Variants in CHLSN observed in about 807,000 individuals in gnomAD.
CHLSN encodes protein cholesin.
At chr7:983,089 T>G in the CHLSN span, 1 of 846,014 alleles carries the variant, frequency 1.2e-6, no homozygotes, top group Non-Finnish European at 1.6e-6. Flanking sequence ...TGCAAACTGC[T>G]CGTTCCACAT....
chr7:1,004,254 C>G, the CHLSN span, among the ~76,000 whole-genome samples: 4 of 152,154 alleles, frequency 2.6e-5, no homozygotes, highest in African/African-American at 4.8e-5. Context: ...CATCTGCCTG[C>G]TGGGGGCTGT....
At chr7:1,051,671 G>C in the CHLSN span, among the ~76,000 whole-genome samples, 3 of 152,156 alleles carry the variant, frequency 2.0e-5, no homozygotes, top group South Asian at 4.1e-4. Context: ...TTTTATGAGA[G>C]TTATTTAAAA....
the CHLSN span, among the ~76,000 whole-genome samples, chr7:1,136,946 C>T: frequency 2.0e-5 from 3 of 152,136 alleles, no homozygotes; most frequent in Admixed American, 6.6e-5. Flanking sequence ...GAATGTGACT[C>T]CCTTAAGATC....
chr7:1,130,122 T>A, the CHLSN span, among the ~76,000 whole-genome samples: 1 of 151,904 alleles, frequency 6.6e-6, no homozygotes, highest in East Asian at 1.9e-4. Context: ...GCAGGCCACG[T>A]ATGAGGGTGG....
At chr7:992,579 G>A in the CHLSN span, among the ~76,000 whole-genome samples, 5 of 152,248 alleles carry the variant, frequency 3.3e-5, no homozygotes, top group African/African-American at 1.2e-4. Flanking sequence ...TGTCCAGTGC[G>A]GGGGTCCTGG....
At chr7:1,125,414 C>T in the CHLSN span, among the ~76,000 whole-genome samples, 2 of 152,214 alleles carry the variant, frequency 1.3e-5, no homozygotes, top group African/African-American at 4.8e-5. Context: ...ACGAGACCTC[C>T]AGCACTAATC....
chr7:1,032,690 A>G, the CHLSN span, among the ~76,000 whole-genome samples: 2 of 152,134 alleles, frequency 1.3e-5, no homozygotes, highest in Non-Finnish European at 2.9e-5. Context: ...CCACACCGCC[A>G]GGCACCCTCA....
At chr7:1,056,963 G>A in the CHLSN span, 12 of 158,772 alleles carry the variant, frequency 7.6e-5, no homozygotes, top group Admixed American at 6.4e-4. Flanking sequence ...CATGTCCCCA[G>A]AGCCTCCTGT....
At chr7:1,035,311 G>C in the CHLSN span, among the ~76,000 whole-genome samples, 2 of 152,178 alleles carry the variant, frequency 1.3e-5, no homozygotes, top group African/African-American at 4.8e-5. Context: ...CTGTGAACAG[G>C]GCTGCAGTGC....
At chr7:1,115,385 T>C in the CHLSN span, among the ~76,000 whole-genome samples, 1 of 152,196 alleles carries the variant, frequency 6.6e-6, no homozygotes, top group Non-Finnish European at 1.5e-5. Context: ...CAGGGGATGT[T>C]TGCTATTTAA....
the CHLSN span, among the ~76,000 whole-genome samples, chr7:1,014,091 G>C: frequency 6.6e-6 from 1 of 152,106 alleles, no homozygotes; most frequent in Non-Finnish European, 1.5e-5. Context: ...CAAGCAACGC[G>C]GCACTCGTGC....
At chr7:1,118,108 C>T in the CHLSN span, among the ~76,000 whole-genome samples, 6 of 152,310 alleles carry the variant, frequency 3.9e-5, no homozygotes, top group East Asian at 3.9e-4. Context: ...CACAGCACAA[C>T]GCTTACCCAG....
chr7:1,114,945 A>T, the CHLSN span, among the ~76,000 whole-genome samples: 1 of 152,338 alleles, frequency 6.6e-6, no homozygotes, highest in East Asian at 1.9e-4. Context: ...CAGCCTTCCC[A>T]GCAACCCCAT....
the CHLSN span, among the ~76,000 whole-genome samples, chr7:998,192 G>A: frequency 5.3e-5 from 8 of 152,194 alleles, no homozygotes; most frequent in Non-Finnish European, 8.8e-5. Context: ...GCTCAGGGCG[G>A]CAGTGGCCAG....
At chr7:1,050,365 C>T in the CHLSN span, among the ~76,000 whole-genome samples, 3,232 of 152,358 alleles carry the variant, frequency 0.021, 45 homozygotes, top group Non-Finnish European at 0.029. Context: ...CGTCCACCTG[C>T]GGCGGGCACA....
the CHLSN span, among the ~76,000 whole-genome samples, chr7:999,736 C>T: frequency 6.6e-6 from 1 of 152,196 alleles, no homozygotes; most frequent in Non-Finnish European, 1.5e-5. Context: ...CCAGCGCGCA[C>T]GCAAAGCCTG....
the CHLSN span, among the ~76,000 whole-genome samples, chr7:1,003,952 GGTGAGTGGAGT>G: frequency 7.3e-6 from 1 of 136,352 alleles, no homozygotes; most frequent in Non-Finnish European, 1.6e-5. Flanking sequence ...GAGTCCTGTG[GGTGAGTGGAGT>G]CCTGTGGGTG....
the CHLSN span, among the ~76,000 whole-genome samples, chr7:1,112,116 TG>T: frequency 6.6e-6 from 1 of 152,228 alleles, no homozygotes; most frequent in Non-Finnish European, 1.5e-5. Context: ...GGCAAACATC[TG>T]GGCTGATCAC....
the CHLSN span, chr7:986,434 G>A: frequency 7.7e-6 from 5 of 647,674 alleles, no homozygotes; most frequent in South Asian, 2.0e-5. Context: ...TCCGGGACAC[G>A]GACAGGGGGT....
Sources: gnomAD v4.1 joint callset for allele counts (sites outside exome capture counted in the v4.1 genomes callset) on GRCh38, gnomAD v4.1.1 for gene constraint, MANE v1.5 for transcripts, NCBI Gene and HGNC (gene_info 2026-07-23, HGNC 2026-07-21) for gene names.